Variants in INPP4B observed in about 807,000 individuals in gnomAD.
INPP4B encodes inositol polyphosphate 4-phosphatase type II.
In INPP4B, 55 loss-of-function variants were observed where a neutral mutation model predicts 122.5. The observed-to-expected ratio is 0.45, with a 90% CI of 0.36 to 0.56. The LOEUF is 0.56. Among genes scored for constraint, INPP4B ranks in the 20% least tolerant of loss-of-function variants. The pLI, the probability that INPP4B is intolerant of heterozygous loss-of-function variation, is 0.00. For missense variants in INPP4B, 1,000 were observed against 1,097.7 expected, an observed-to-expected ratio of 0.91 and a Z score of 1.26; for synonymous variants, 403 against 388.7, an observed-to-expected ratio of 1.04 and a Z score of -0.43.
At chr4:142,711,632 G>A (rs1763127037) in intron 2 of INPP4B, among the ~76,000 whole-genome samples, 1 of 152,128 alleles carries the variant, frequency 6.6e-6, no homozygotes, top group African/African-American at 2.4e-5. Flanking sequence ...GTCTGAATGT[G>A]TCCCCACAAA....
intron 10 of INPP4B, 102 bp downstream of exon 10, chr4:142,270,561 A>T: frequency 5.1e-6 from 4 of 789,656 alleles, no homozygotes; most frequent in Non-Finnish European, 8.8e-6. Flanking sequence ...TTAGGTTTTG[A>T]TAATGAGATT....
intron 21 of INPP4B, among the ~76,000 whole-genome samples, chr4:142,120,828 G>A (rs947795697): frequency 6.6e-6 from 1 of 152,086 alleles, no homozygotes; most frequent in Non-Finnish European, 1.5e-5. Flanking sequence ...TGAATTTGTG[G>A]TGTGCATCCA....
chr4:142,087,035 C>T (rs1490316045), intron 23 of INPP4B, among the ~76,000 whole-genome samples: 4 of 152,198 alleles, frequency 2.6e-5, no homozygotes, highest in African/African-American at 4.8e-5. Flanking sequence ...TGTCCTTGAA[C>T]TCAGCACTAT....
chr4:142,085,976 T>C (rs189046769), intron 24 of INPP4B, among the ~76,000 whole-genome samples, 168 bp downstream of exon 24: 2 of 152,304 alleles, frequency 1.3e-5, no homozygotes, highest in South Asian at 2.1e-4. Flanking sequence ...TATGTTCTAG[T>C]CTATGGATAG....
chr4:142,781,916 G>A (rs1242133709), intron 1 of INPP4B, among the ~76,000 whole-genome samples: 2 of 151,944 alleles, frequency 1.3e-5, no homozygotes, highest in Admixed American at 1.3e-4. Context: ...ACTGGTCACT[G>A]GTTCAGCTGA....
intron 1 of INPP4B, among the ~76,000 whole-genome samples, chr4:142,831,897 A>G (rs1782185458): frequency 1.3e-5 from 2 of 152,232 alleles, no homozygotes; most frequent in African/African-American, 4.8e-5. Flanking sequence ...TACAGTATGT[A>G]TAAATTCCCA....
chr4:142,044,670 A>T (rs532942174), intron 25 of INPP4B, among the ~76,000 whole-genome samples: 1 of 152,176 alleles, frequency 6.6e-6, no homozygotes, highest in African/African-American at 2.4e-5. Context: ...CCGTTTTAAG[A>T]TATATGAAAT....
chr4:142,160,306 CT>C (rs1819465680), intron 17 of INPP4B, 51 bp downstream of exon 17: 2 of 1,202,754 alleles, frequency 1.7e-6, no homozygotes, highest in Admixed American at 2.3e-5. Context: ...TCATTCCTAC[CT>C]TATTTCTCAT....
At chr4:142,072,802 G>A (rs900702384) in intron 25 of INPP4B, among the ~76,000 whole-genome samples, 2 of 152,002 alleles carry the variant, frequency 1.3e-5, no homozygotes, top group African/African-American at 4.8e-5. Flanking sequence ...GAGGATGCTG[G>A]TGAAATTATC....
chr4:142,325,080 T>C (rs1447348591), intron 7 of INPP4B, among the ~76,000 whole-genome samples: 2 of 152,168 alleles, frequency 1.3e-5, no homozygotes, highest in Non-Finnish European at 2.9e-5. Flanking sequence ...ATTTGGTCTC[T>C]CTAGTTATTT....
chr4:142,621,833 C>T (rs1049514326), intron 2 of INPP4B, among the ~76,000 whole-genome samples: 1 of 151,310 alleles, frequency 6.6e-6, no homozygotes, highest in Admixed American at 6.6e-5. Flanking sequence ...TAATATTTAA[C>T]ATTTAGTGTT....
intron 2 of INPP4B, among the ~76,000 whole-genome samples, chr4:142,522,140 G>T (rs1347893669): frequency 1.3e-5 from 2 of 151,638 alleles, no homozygotes; most frequent in Non-Finnish European, 2.9e-5. Context: ...ATTTACCTTT[G>T]ATTTTATTTA....
At chr4:142,524,008 T>C (rs1226278191) in intron 2 of INPP4B, among the ~76,000 whole-genome samples, 1 of 150,024 alleles carries the variant, frequency 6.7e-6, no homozygotes, top group East Asian at 2.0e-4. Flanking sequence ...TATGGCTGCA[T>C]AGTATTCCAT....
intron 1 of INPP4B, among the ~76,000 whole-genome samples, chr4:142,818,312 C>G (rs534617751): frequency 6.6e-6 from 1 of 152,214 alleles, no homozygotes; most frequent in South Asian, 2.1e-4. Context: ...GCCTGCTTTC[C>G]CAGAAACAAC....
In INPP4B at chr4:142,545,179, C is replaced by T. The variant is rs190117362; in HGVS notation, c.-190-82453G>A. Among the ~76,000 whole-genome samples the T allele has an allele frequency of 6.9e-4, 105 of 152,162 alleles. No homozygotes were observed. The Middle Eastern group carries it at 0.02, about 30-fold the overall frequency. ...ATAAAATATATCAAGGAAAATGGCA[C>T]TTATATTAGTTCAAGACACAATGAG... On this transcript the variant is annotated intron_variant, in intron 2 of 25. Coordinates refer to ENST00000262992, the MANE Select transcript of INPP4B (RefSeq NM_001101669.3).
At chr4:142,333,943 T>C (rs1011243303) in intron 7 of INPP4B, among the ~76,000 whole-genome samples, 2 of 152,160 alleles carry the variant, frequency 1.3e-5, no homozygotes, top group Non-Finnish European at 2.9e-5. Context: ...TTAGCTATTT[T>C]CACTATGCTG....
At chr4:142,241,190 A>C (rs1479067865) in intron 11 of INPP4B, among the ~76,000 whole-genome samples, 2 of 152,052 alleles carry the variant, frequency 1.3e-5, no homozygotes, top group Admixed American at 1.3e-4. Context: ...ACCTATTATA[A>C]GTTCTTTTTA....
At chr4:142,493,050 T>C (rs955425234) in intron 2 of INPP4B, among the ~76,000 whole-genome samples, 3 of 152,202 alleles carry the variant, frequency 2.0e-5, no homozygotes, top group Non-Finnish European at 2.9e-5. Flanking sequence ...AAGATGCCAA[T>C]GTACAGCTCA....
intron 2 of INPP4B, among the ~76,000 whole-genome samples, chr4:142,616,025 A>C (rs1002848292): frequency 6.6e-6 from 1 of 152,126 alleles, no homozygotes; most frequent in African/African-American, 2.4e-5. Flanking sequence ...TATATGGGAG[A>C]GATGTATGGA....
Sources: gnomAD v4.1 joint callset for allele counts (sites outside exome capture counted in the v4.1 genomes callset) on GRCh38, gnomAD v4.1.1 for gene constraint, MANE v1.5 for transcripts, NCBI Gene and HGNC (gene_info 2026-07-23, HGNC 2026-07-21) for gene names.